The following PTPRR variants were observed in gnomAD, a reference collection of about 807,000 sequenced individuals.
PTPRR encodes the protein protein tyrosine phosphatase receptor type R, also known as receptor-type tyrosine-protein phosphatase R.
Under a neutral mutation model 77.2 loss-of-function variants are expected in PTPRR, and 38 were observed. The ratio of observed to expected loss-of-function variants is 0.49; its 90% CI spans 0.38 to 0.65. The LOEUF (loss-of-function observed/expected upper bound fraction) is 0.65. Among genes scored for constraint, PTPRR ranks in the 30% least tolerant of loss-of-function variants. PTPRR has a pLI of 0.00. For missense variants in PTPRR, 744 were observed against 799.2 expected (o/e 0.93, Z 0.83); for synonymous variants, 299 against 283.1 (o/e 1.06, Z -0.57).
chr12:70,784,544 G>T (rs1326407178), intron 2 of PTPRR, among the ~76,000 whole-genome samples: 5 of 152,206 alleles, frequency 3.3e-5, no homozygotes, highest in Non-Finnish European at 1.5e-5. Flanking sequence ...GGTGCCCAGG[G>T]CAGCAGGCTG....
intron 2 of PTPRR, among the ~76,000 whole-genome samples, chr12:70,891,755 T>C (rs2137116274): frequency 6.6e-6 from 1 of 152,152 alleles, no homozygotes; most frequent in South Asian, 2.1e-4. Flanking sequence ...GTATACTATA[T>C]GTAGTAGGTT....
At chr12:70,838,823 A>C (rs187804525) in intron 2 of PTPRR, among the ~76,000 whole-genome samples, 2 of 152,162 alleles carry the variant, frequency 1.3e-5, no homozygotes, top group Admixed American at 1.3e-4. Context: ...GCCTAGGACC[A>C]ATCTGGTTTG....
At chr12:70,783,950 T>TGTGA (rs2137001378) in intron 2 of PTPRR, among the ~76,000 whole-genome samples, 1 of 150,284 alleles carries the variant, frequency 6.7e-6, no homozygotes, top group East Asian at 2.0e-4. Flanking sequence ...GAACCTGGGC[T>TGTGA]CAGCCCCAAC....
chr12:70,696,167 C>T (rs1258342970), intron 8 of PTPRR, among the ~76,000 whole-genome samples: 2 of 149,476 alleles, frequency 1.3e-5, no homozygotes, highest in East Asian at 2.0e-4. Flanking sequence ...GAAAATATTA[C>T]TTCCTCTCCA....
intron 2 of PTPRR, among the ~76,000 whole-genome samples, chr12:70,824,967 G>A (rs1030145535): frequency 3.9e-5 from 6 of 152,198 alleles, no homozygotes; most frequent in Admixed American, 3.9e-4. Context: ...GTTGCTCCAT[G>A]TACAGTCAAG....
At chr12:70,729,976 G>A (rs1224561006) in intron 6 of PTPRR, among the ~76,000 whole-genome samples, 2 of 150,896 alleles carry the variant, frequency 1.3e-5, no homozygotes, top group East Asian at 3.9e-4. Flanking sequence ...TTATCCTCTT[G>A]GGGGGATACA....
Position 70,754,194 on chromosome 12 carries a change from C to T in PTPRR, c.735G>A (p.Leu245=), listed in dbSNP as rs151053959. The change falls in exon 5 of 14, where the codon TTG becomes TTA. Residue 245 remains leucine (L), a synonymous_variant. Transcript: ENST00000283228. ...ATATACAAAGAAGCAAACTTACCAT[C>T]AAACACGTTACTATAATAACAAAGA... is the stretch of plus-strand genomic sequence containing the variant. ...LSIFVIIVTC[L]MILYRLKERF... The T allele has an allele frequency of 6.2e-7, 1 of 1,612,544 alleles. No homozygotes were observed. Among genetic ancestry groups the T allele is most frequent in the East Asian group, 2.2e-5 (1 of 44,860 alleles).
At chr12:70,739,771 T>A (rs543593314) in intron 6 of PTPRR, among the ~76,000 whole-genome samples, 6 of 151,940 alleles carry the variant, frequency 3.9e-5, no homozygotes, top group Non-Finnish European at 5.9e-5. Context: ...ACATGGCCAG[T>A]GGTAGGGGGT....
At chr12:70,652,187 C>T (rs1247826123) in intron 13 of PTPRR, among the ~76,000 whole-genome samples, 2 of 152,096 alleles carry the variant, frequency 1.3e-5, no homozygotes, top group Non-Finnish European at 2.9e-5. Context: ...GACCAGTTTT[C>T]CCTTTACTGC....
chr12:70,860,406 A>C (rs2137078131), intron 2 of PTPRR, among the ~76,000 whole-genome samples: 1 of 152,270 alleles, frequency 6.6e-6, no homozygotes, highest in East Asian at 1.9e-4. Flanking sequence ...CTTTCAATTA[A>C]GGATAGCCCA....
At chr12:70,752,721 C>G (rs1890442261) in intron 5 of PTPRR, among the ~76,000 whole-genome samples, 1 of 152,154 alleles carries the variant, frequency 6.6e-6, no homozygotes, top group Admixed American at 6.6e-5. Flanking sequence ...TCTATTCTCC[C>G]CCTTCTCTTA....
At chr12:70,769,806 A>C (rs576798820) in intron 2 of PTPRR, among the ~76,000 whole-genome samples, 67 of 152,204 alleles carry the variant, frequency 4.4e-4, no homozygotes, top group Non-Finnish European at 7.8e-4. Flanking sequence ...TGGTACCAAA[A>C]CAGAGATATA....
intron 1 of PTPRR, among the ~76,000 whole-genome samples, chr12:70,906,548 C>G (rs1032972814): frequency 6.6e-6 from 1 of 151,838 alleles, no homozygotes; most frequent in Non-Finnish European, 1.5e-5. Flanking sequence ...AACACTAAAC[C>G]CCACTGATAA....
intron 2 of PTPRR, among the ~76,000 whole-genome samples, chr12:70,819,456 C>A (rs1891966261): frequency 6.6e-6 from 1 of 152,156 alleles, no homozygotes. Context: ...AATCAATGAG[C>A]TGTAATTTGA....
intron 6 of PTPRR, among the ~76,000 whole-genome samples, chr12:70,708,128 A>G (rs1216866291): frequency 6.6e-6 from 1 of 152,068 alleles, no homozygotes; most frequent in Non-Finnish European, 1.5e-5. Context: ...ATATGTATCC[A>G]ATATATATCA....
chr12:70,792,982 T>G (rs1891448100), intron 2 of PTPRR, among the ~76,000 whole-genome samples: 1 of 152,156 alleles, frequency 6.6e-6, no homozygotes, highest in African/African-American at 2.4e-5. Flanking sequence ...TCATTAATGA[T>G]CTACTAAAAG....
Position 70,857,757 on chromosome 12 carries a change from A to G in PTPRR, c.357+34922T>C, listed in dbSNP as rs114726137. On this transcript the variant is annotated intron_variant, in intron 2 of 13. Transcript: ENST00000283228. ...CATAAAAGCCTAATTGAGGTGACAA[A>G]GTTTACCCTAGGGAGACAGGAGAAG... Among the ~76,000 whole-genome samples the G allele has an allele frequency of 4.4e-3, 670 of 152,228 alleles. 5 individuals are homozygous for G. The highest frequency in any genetic ancestry group is 0.015 in the African/African-American group (639 of 41,532).
At chr12:70,840,360 T>C (rs531248623) in intron 2 of PTPRR, among the ~76,000 whole-genome samples, 3 of 152,298 alleles carry the variant, frequency 2.0e-5, no homozygotes, top group South Asian at 4.1e-4. Context: ...TTAAGGTCCC[T>C]TGTGATTGCT....
At chr12:70,740,372 CT>C (rs35415869) in intron 6 of PTPRR, among the ~76,000 whole-genome samples, 119,668 of 146,718 alleles carry the variant, frequency 0.82, 49,145 homozygotes, top group East Asian at 1. Context: ...CTATGTTTCT[CT>C]TTTTTTTTTT....
Sources: gnomAD v4.1 joint callset for allele counts (sites outside exome capture counted in the v4.1 genomes callset) on GRCh38, gnomAD v4.1.1 for gene constraint, MANE v1.5 for transcripts, NCBI Gene and HGNC (gene_info 2026-07-23, HGNC 2026-07-21) for gene names.